CNTN5: variants seen among roughly 807,000 people sequenced by gnomAD.
The protein encoded by CNTN5 is contactin-5.
Under a neutral mutation model 129.1 loss-of-function variants are expected in CNTN5, and 77 were observed. That is an observed-to-expected ratio of 0.60 (90% CI 0.50 to 0.72). CNTN5 has a LOEUF of 0.72. Among genes scored for constraint, CNTN5 ranks in the 30% least tolerant of loss-of-function variants. The pLI is 0.00. For missense variants in CNTN5, 1,478 were observed against 1,328.8 expected, an observed-to-expected ratio of 1.11 and a Z score of -1.75; for synonymous variants, 509 against 465.6, an observed-to-expected ratio of 1.09 and a Z score of -1.20.
At chr11:100,001,439 T>C (rs1298836983) in intron 8 of CNTN5, among the ~76,000 whole-genome samples, 1 of 152,172 alleles carries the variant, frequency 6.6e-6, no homozygotes, top group Non-Finnish European at 1.5e-5. Flanking sequence ...CCAAACCATA[T>C]TGGTGCATAA....
At chr11:99,227,104 T>TAATC (rs1392133552) in intron 1 of CNTN5, among the ~76,000 whole-genome samples, 1 of 152,122 alleles carries the variant, frequency 6.6e-6, no homozygotes, top group Non-Finnish European at 1.5e-5. Flanking sequence ...CTCCTGCCTA[T>TAATC]AATCCCAGCA....
At chr11:100,134,339 C>A (rs564331593) in intron 13 of CNTN5, among the ~76,000 whole-genome samples, 6 of 152,214 alleles carry the variant, frequency 3.9e-5, no homozygotes, top group African/African-American at 1.4e-4. Context: ...GGGTGGTATT[C>A]TCGATGAAAT....
chr11:99,819,319 C>CCTCTT (rs1565566947), intron 3 of CNTN5, among the ~76,000 whole-genome samples: 3 of 53,446 alleles, frequency 5.6e-5, no homozygotes, highest in African/African-American at 1.5e-4. Context: ...CCTCTCCTCC[C>CCTCTT]CTCCCCTCCC....
intron 3 of CNTN5, among the ~76,000 whole-genome samples, chr11:99,619,518 C>T (rs895064804): frequency 3.9e-5 from 6 of 151,966 alleles, no homozygotes; most frequent in Non-Finnish European, 7.4e-5. Flanking sequence ...AAATTTGTTA[C>T]TTTACTGAAG....
At chr11:99,289,223 C>G (rs1039685000) in intron 1 of CNTN5, among the ~76,000 whole-genome samples, 5 of 151,726 alleles carry the variant, frequency 3.3e-5, no homozygotes, top group African/African-American at 1.2e-4. Context: ...GCAACTGTAC[C>G]AGATATTTCT....
chr11:100,009,397 G>A (rs1452067364), intron 9 of CNTN5, among the ~76,000 whole-genome samples: 2 of 151,798 alleles, frequency 1.3e-5, no homozygotes, highest in African/African-American at 4.8e-5. Flanking sequence ...AGTGTTTCAA[G>A]AGAACCCATA....
intron 16 of CNTN5, among the ~76,000 whole-genome samples, chr11:100,251,735 A>G (rs1178215526): frequency 6.6e-6 from 1 of 152,096 alleles, no homozygotes; most frequent in Non-Finnish European, 1.5e-5. Flanking sequence ...CCATGTTGCC[A>G]CAAATGACAG....
intron 13 of CNTN5, among the ~76,000 whole-genome samples, chr11:100,189,881 C>T (rs1288474161): frequency 6.6e-6 from 1 of 152,084 alleles, no homozygotes; most frequent in African/African-American, 2.4e-5. Flanking sequence ...CCTTCTTACA[C>T]ATCATAAATC....
At chr11:99,488,204 G>T (rs1206544719) in intron 2 of CNTN5, among the ~76,000 whole-genome samples, 1 of 124,442 alleles carries the variant, frequency 8.0e-6, no homozygotes, top group Non-Finnish European at 1.6e-5. Flanking sequence ...ATGGAGTCTC[G>T]CTCTGTCGTC....
chr11:100,007,763 A>G (rs1315863556), intron 9 of CNTN5, among the ~76,000 whole-genome samples: 1 of 151,908 alleles, frequency 6.6e-6, no homozygotes, highest in Non-Finnish European at 1.5e-5. Context: ...TCACTGGGGT[A>G]GCAATTTTAA....
intron 9 of CNTN5, among the ~76,000 whole-genome samples, chr11:100,018,219 C>G (rs1940937966): frequency 6.6e-6 from 1 of 151,846 alleles, no homozygotes; most frequent in Non-Finnish European, 1.5e-5. Context: ...CGTATTTTTA[C>G]CATGAAACCA....
At chr11:99,217,763 T>C (rs1028599067) in intron 1 of CNTN5, among the ~76,000 whole-genome samples, 5 of 151,982 alleles carry the variant, frequency 3.3e-5, no homozygotes, top group Admixed American at 6.6e-5. Context: ...TCTAGTAGGT[T>C]TTCTCTCTTT....
rs1953968140 is a variant in CNTN5 at position 99,689,878 on chromosome 11, T to G, written c.56-129666T>G. On this transcript the variant is annotated intron_variant, in intron 3 of 24. Transcript: ENST00000524871. Reference sequence around the variant, plus strand: ...AAAATTTTTCTCCCATTCTGTAGGTTGTTTGATCACTGTGTTTGATAGTTT... The same window carrying G: ...AAAATTTTTCTCCCATTCTGTAGGTGGTTTGATCACTGTGTTTGATAGTTT... Among the ~76,000 whole-genome samples the G allele has an allele frequency of 2.0e-5, 3 of 152,260 alleles. No homozygotes were observed. In the South Asian group the frequency reaches 6.2e-4, roughly 32 times the overall value.
At chr11:100,048,577 T>G (rs1417654032) in intron 9 of CNTN5, among the ~76,000 whole-genome samples, 1 of 151,586 alleles carries the variant, frequency 6.6e-6, no homozygotes, top group African/African-American at 2.4e-5. Flanking sequence ...AGTGAAAAAA[T>G]GTACTAGATT....
intron 3 of CNTN5, among the ~76,000 whole-genome samples, chr11:99,601,230 A>T (rs1422316999): frequency 6.6e-6 from 1 of 152,096 alleles, no homozygotes; most frequent in Non-Finnish European, 1.5e-5. Flanking sequence ...TGAAAGTGGA[A>T]CTCATTGCTT....
intron 7 of CNTN5, among the ~76,000 whole-genome samples, chr11:99,919,840 A>G (rs1334649459): frequency 1.7e-5 from 2 of 121,010 alleles, no homozygotes; most frequent in African/African-American, 7.1e-5. Flanking sequence ...TATTTTATTT[A>G]AGACATGTTT....
intron 16 of CNTN5, among the ~76,000 whole-genome samples, chr11:100,232,784 A>G (rs1386718819): frequency 1.3e-5 from 2 of 152,168 alleles, no homozygotes; most frequent in Non-Finnish European, 2.9e-5. Flanking sequence ...ATAATGTGAG[A>G]TGTGCTGTTA....
At chr11:99,433,890 T>A (rs542733744) in intron 2 of CNTN5, among the ~76,000 whole-genome samples, 1 of 152,314 alleles carries the variant, frequency 6.6e-6, no homozygotes, top group Admixed American at 6.5e-5. Context: ...GCTGCTTTCC[T>A]AGTCACCTAA....
Position 99,191,451 on chromosome 11 carries a change from A to G in CNTN5, c.-209-133895A>G, listed in dbSNP as rs139156624. ...TTAAGTGAAAGGAAACATCTGACTT[A>G]AACTACACTTTAGACCAAGTGGAAT... On this transcript the variant is annotated intron_variant, in intron 1 of 24. Transcript: ENST00000524871. Among the ~76,000 whole-genome samples, 124 of 151,886 alleles carry G rather than the reference A, an allele frequency of 8.2e-4. No individual in the cohort carries two copies. The Middle Eastern group carries it at 0.02, about 25-fold the overall frequency.
Sources: gnomAD v4.1 joint callset for allele counts (sites outside exome capture counted in the v4.1 genomes callset) on GRCh38, gnomAD v4.1.1 for gene constraint, MANE v1.5 for transcripts, NCBI Gene and HGNC (gene_info 2026-07-23, HGNC 2026-07-21) for gene names.